Variants in PRKCE observed in about 807,000 individuals in gnomAD.
PRKCE encodes the protein protein kinase C epsilon.
A neutral mutation model predicts 85.4 loss-of-function variants in PRKCE; 16 were observed. The observed-to-expected ratio is 0.19, with a 90% CI of 0.13 to 0.28. PRKCE has a LOEUF of 0.28. PRKCE is among the 10% of genes least tolerant of loss of function. The probability of loss-of-function intolerance (pLI) is 1.00; values close to 1 mark genes in which losing one functional copy is unlikely to be tolerated. For missense variants in PRKCE, 573 were observed against 975.2 expected (o/e 0.59, Z 5.49); for synonymous variants, 388 against 371.5 (o/e 1.04, Z -0.51).
In PRKCE at chr2:45,843,041, T is replaced by A; in HGVS notation, c.390T>A (p.Asp130Glu). 6.2e-7 allele frequency: 1 copy of A among 1,614,170 alleles called. No homozygotes were observed. Among genetic ancestry groups the A allele is most frequent in the Non-Finnish European group, 8.5e-7 (1 of 1,180,004 alleles). Residue 130 changes from aspartate to glutamate, a missense_variant, in exon 2 of 15, where the codon GAT (aspartate) becomes GAA (glutamate). Asp to Glu is a conservative substitution (Grantham distance 45). Coordinates refer to ENST00000306156, the MANE Select transcript of PRKCE (RefSeq NM_005400.3). Reference sequence around the variant, plus strand: ...AAGGAAGAGTGTATGTGATCATCGATCTCTCAGGGTCGTCGGGTGAAGGTA... The same window carrying A: ...AAGGAAGAGTGTATGTGATCATCGAACTCTCAGGGTCGTCGGGTGAAGGTA... ...EPEGRVYVIIDLSGSSGEAPK... is the reference protein window; with the variant it reads ...EPEGRVYVIIELSGSSGEAPK...
At chr2:46,097,707 C>G (rs1670843068) in intron 11 of PRKCE, among the ~76,000 whole-genome samples, 1 of 152,166 alleles carries the variant, frequency 6.6e-6, no homozygotes, top group African/African-American at 2.4e-5. Flanking sequence ...GTCCCTCTCC[C>G]ATGTCATATA....
chr2:46,014,461 G>A (rs183151498), intron 10 of PRKCE, among the ~76,000 whole-genome samples: 2 of 152,210 alleles, frequency 1.3e-5, no homozygotes, highest in East Asian at 3.9e-4. Context: ...AACTGTATCT[G>A]TTGATGTGAA....
At chr2:45,908,472 C>T (rs1697147377) in intron 2 of PRKCE, among the ~76,000 whole-genome samples, 1 of 152,162 alleles carries the variant, frequency 6.6e-6, no homozygotes. Context: ...AAGGATTAGC[C>T]AATGGGAAAG....
rs1015331107 is a variant in PRKCE at position 46,068,846 on chromosome 2, T to A, written c.1438-17362T>A. ...AAGTAGGGACTTGTGAGATACCAGA[T>A]TGAAATTTAGATTACCACCAGACGA... On this transcript the variant is annotated intron_variant, in intron 10 of 14. Coordinates refer to ENST00000306156, the MANE Select transcript of PRKCE (RefSeq NM_005400.3). The surrounding 1 kb of genome is among the most constrained non-coding windows in gnomAD (Gnocchi z 4.3). 6.6e-6 allele frequency among the ~76,000 whole-genome samples: 1 copy of A among 152,184 alleles called. No homozygotes were observed. Among genetic ancestry groups the A allele is most frequent in the African/African-American group, 2.4e-5 (1 of 41,440 alleles).
chr2:45,881,706 G>A (rs183274973), intron 2 of PRKCE, among the ~76,000 whole-genome samples: 189 of 152,268 alleles, frequency 1.2e-3, no homozygotes, highest in Non-Finnish European at 2.2e-3. Flanking sequence ...CAGCACGATG[G>A]AATGACTTGC....
At chr2:45,664,483 T>G (rs531335584) in intron 1 of PRKCE, among the ~76,000 whole-genome samples, 5 of 152,368 alleles carry the variant, frequency 3.3e-5, no homozygotes, top group Admixed American at 1.3e-4. Context: ...TTGGGGATTT[T>G]ATTAGTAATA....
chr2:46,114,457 G>A (rs1037286750), intron 11 of PRKCE, among the ~76,000 whole-genome samples: 8 of 104,538 alleles, frequency 7.7e-5, no homozygotes, highest in African/African-American at 3.1e-4. Flanking sequence ...TTGCTCTGTC[G>A]CCCAGCCTGG....
At chr2:45,988,480 G>T (rs1005543316) in intron 6 of PRKCE, among the ~76,000 whole-genome samples, 1 of 152,024 alleles carries the variant, frequency 6.6e-6, no homozygotes, top group Non-Finnish European at 1.5e-5. Flanking sequence ...GAAAGAGTGG[G>T]TGCATGCAGG....
chr2:45,752,044 G>C (rs10177247), intron 1 of PRKCE, among the ~76,000 whole-genome samples: 94,531 of 149,148 alleles, frequency 0.63, 30,709 homozygotes, highest in African/African-American at 0.78. Context: ...GTCTCGATCT[G>C]CTGACCTCGT....
chr2:45,679,203 C>G (rs1013702509), intron 1 of PRKCE, among the ~76,000 whole-genome samples: 22 of 152,166 alleles, frequency 1.4e-4, no homozygotes, highest in Non-Finnish European at 3.1e-4. Context: ...GCAATAGAAT[C>G]TGCCCCAGGA....
chr2:46,116,444 G>C (rs138947558), intron 11 of PRKCE, among the ~76,000 whole-genome samples: 18 of 152,352 alleles, frequency 1.2e-4, no homozygotes, highest in South Asian at 2.1e-4. Flanking sequence ...CAAATAATTA[G>C]ATGATTAAGA....
chr2:45,953,609 C>T (rs897061314), intron 2 of PRKCE, among the ~76,000 whole-genome samples: 3 of 152,318 alleles, frequency 2.0e-5, no homozygotes, highest in Non-Finnish European at 1.5e-5. Flanking sequence ...TTGATCAGTG[C>T]GGTTGTCCCT....
At chr2:46,164,988 C>T (rs1445479684) in intron 14 of PRKCE, 1 of 152,300 alleles carries the variant, frequency 6.6e-6, no homozygotes, top group Non-Finnish European at 1.5e-5. Flanking sequence ...CCATCACATA[C>T]CTCAGTTGGC....
intron 1 of PRKCE, among the ~76,000 whole-genome samples, chr2:45,757,779 A>T (rs1248639249): frequency 6.6e-6 from 1 of 152,210 alleles, no homozygotes; most frequent in East Asian, 1.9e-4. Context: ...CATGGAATTC[A>T]TTCATTTCAT....
At chr2:45,924,903 G>A (rs1698499298) in intron 2 of PRKCE, among the ~76,000 whole-genome samples, 1 of 152,188 alleles carries the variant, frequency 6.6e-6, no homozygotes, top group African/African-American at 2.4e-5. Flanking sequence ...AAACAGCAGA[G>A]CTCTGAGTTC....
intron 1 of PRKCE, among the ~76,000 whole-genome samples, chr2:45,763,511 G>A (rs920893631): frequency 3.9e-5 from 6 of 152,158 alleles, no homozygotes; most frequent in East Asian, 3.9e-4. Context: ...CTTTGCTCAC[G>A]TCCCACCCCC....
chr2:45,913,538 G>A (rs1036070231), intron 2 of PRKCE, among the ~76,000 whole-genome samples: 8 of 152,132 alleles, frequency 5.3e-5, no homozygotes, highest in South Asian at 2.1e-4. Flanking sequence ...TCTTAGTTCC[G>A]GTATCTGGAA....
chr2:45,873,122 C>T (rs866241662), intron 2 of PRKCE, among the ~76,000 whole-genome samples: 1 of 152,314 alleles, frequency 6.6e-6, no homozygotes, highest in Middle Eastern at 3.4e-3. Context: ...GGAGCGATGG[C>T]TCTCACATAT....
At chr2:45,901,425 T>C (rs924288016) in intron 2 of PRKCE, among the ~76,000 whole-genome samples, 9 of 152,216 alleles carry the variant, frequency 5.9e-5, no homozygotes, top group Non-Finnish European at 1.2e-4. Context: ...CTAGATCCAA[T>C]AAAGTTTGCC....
Sources: gnomAD v4.1 joint callset for allele counts (sites outside exome capture counted in the v4.1 genomes callset) on GRCh38, gnomAD v4.1.1 for gene constraint, Gnocchi (gnomAD v3.1) non-coding constraint, MANE v1.5 for transcripts, NCBI Gene and HGNC (gene_info 2026-07-23, HGNC 2026-07-21) for gene names.